Variants in HIVEP2 observed in about 807,000 individuals in gnomAD.
HIVEP2 encodes the protein transcription factor HIVEP2.
In HIVEP2, 14 loss-of-function variants were observed where a neutral mutation model predicts 180.7. The ratio of observed to expected loss-of-function variants is 0.08; its 90% CI spans 0.05 to 0.12. The LOEUF (loss-of-function observed/expected upper bound fraction) is 0.12, where lower values mean the gene tolerates loss of function less well. Among genes scored for constraint, HIVEP2 ranks in the 10% least tolerant of loss-of-function variants. The pLI is 1.00. For synonymous variants in HIVEP2, 1,184 were observed against 1,136.4 expected (o/e 1.04, Z -0.84); for missense variants, 2,579 against 3,008.5 (o/e 0.86, Z 3.34).
At chr6:142,844,806 G>GA (rs373844462) in intron 1 of HIVEP2, among the ~76,000 whole-genome samples, 1 of 151,728 alleles carries the variant, frequency 6.6e-6, no homozygotes, top group African/African-American at 2.4e-5. Context: ...CTAGTGACAA[G>GA]AAAAAAAATA....
intron 2 of HIVEP2, among the ~76,000 whole-genome samples, chr6:142,791,032 C>T (rs1391488715): frequency 6.6e-6 from 1 of 152,184 alleles, no homozygotes; most frequent in Non-Finnish European, 1.5e-5. Flanking sequence ...CTATCTACTT[C>T]TAATAACTGA....
chr6:142,867,998 T>G (rs1199918719), intron 1 of HIVEP2, among the ~76,000 whole-genome samples: 1 of 152,210 alleles, frequency 6.6e-6, no homozygotes, highest in African/African-American at 2.4e-5. Flanking sequence ...ACTGTCATTT[T>G]ATACCTCTAA....
At chr6:142,923,983 T>A (rs532804025) in intron 1 of HIVEP2, among the ~76,000 whole-genome samples, 2 of 152,204 alleles carry the variant, frequency 1.3e-5, no homozygotes, top group African/African-American at 4.8e-5. Flanking sequence ...TGATTCAAAT[T>A]CAAGTGGGCC....
In HIVEP2 at chr6:142,773,432, T is replaced by C. The variant is rs776415212; in HGVS notation, c.1307A>G (p.Asn436Ser). ...ACTTGTGGTTGTAACACTGAGTGCATTTCTCGGACTAAGCCGACAGTATTT... is the reference window on the plus strand; with the variant it reads ...ACTTGTGGTTGTAACACTGAGTGCACTTCTCGGACTAAGCCGACAGTATTT... ...FGKYCRLSPR[N>S]ALSVTTTSQE... The change falls in exon 5 of 10, where the codon AAT becomes AGT. Residue 436 changes from asparagine (N) to serine (S), a missense_variant. Around this residue, in one of 11 missense-constraint regions of HIVEP2, gnomAD observed 524 missense variants for 563.6 expected, o/e 0.93. Transcript: ENST00000367603. The C allele has an allele frequency of 8.7e-6, 14 of 1,614,130 alleles. No homozygotes were observed. Among genetic ancestry groups the C allele is most frequent in the Non-Finnish European group, 1.2e-5 (14 of 1,180,054 alleles).
chr6:142,878,111 G>A (rs993745033), intron 1 of HIVEP2, among the ~76,000 whole-genome samples: 19 of 151,982 alleles, frequency 1.3e-4, no homozygotes, highest in African/African-American at 2.4e-4. Context: ...TGATATTCTC[G>A]GCAATTGTCA....
intron 1 of HIVEP2, among the ~76,000 whole-genome samples, chr6:142,849,523 T>A (rs1215919779): frequency 2.0e-5 from 3 of 151,838 alleles, no homozygotes; most frequent in South Asian, 2.1e-4. Context: ...ATTTATTTTT[T>A]TTTTTTTTTG....
intron 1 of HIVEP2, among the ~76,000 whole-genome samples, chr6:142,914,613 C>T (rs995250300): frequency 6.6e-6 from 1 of 152,160 alleles, no homozygotes; most frequent in Non-Finnish European, 1.5e-5. Flanking sequence ...AATGACTATT[C>T]AAAACCTGAT....
intron 1 of HIVEP2, among the ~76,000 whole-genome samples, chr6:142,885,151 T>TC (rs1349220565): frequency 6.6e-6 from 1 of 152,128 alleles, no homozygotes; most frequent in African/African-American, 2.4e-5. Context: ...CAGTGCCTTC[T>TC]CCAGTCAACC....
chr6:142,800,737 TA>T (rs1431260598), intron 2 of HIVEP2, among the ~76,000 whole-genome samples: 1 of 152,140 alleles, frequency 6.6e-6, no homozygotes, highest in Non-Finnish European at 1.5e-5. Context: ...AGAAGATATT[TA>T]GATCTATGAA....
At chr6:142,789,651 CA>C (rs1333062985) in intron 2 of HIVEP2, among the ~76,000 whole-genome samples, 1 of 152,192 alleles carries the variant, frequency 6.6e-6, no homozygotes, top group Non-Finnish European at 1.5e-5. Context: ...TTCTGGTCTA[CA>C]GCTTAGGTCT....
At chr6:142,870,883 A>G (rs535017999) in intron 1 of HIVEP2, among the ~76,000 whole-genome samples, 27 of 152,272 alleles carry the variant, frequency 1.8e-4, no homozygotes, top group African/African-American at 6.3e-4. Context: ...TGTTTCTAAA[A>G]CCAAATACCA....
chr6:142,832,993 T>A (rs1230130154), intron 2 of HIVEP2, among the ~76,000 whole-genome samples: 2 of 152,156 alleles, frequency 1.3e-5, no homozygotes. Context: ...TTTCTTTATG[T>A]CAGTCATAAT....
intron 1 of HIVEP2, among the ~76,000 whole-genome samples, chr6:142,908,270 A>G (rs934871691): frequency 2.6e-5 from 4 of 152,204 alleles, no homozygotes; most frequent in South Asian, 2.1e-4. Flanking sequence ...CACTTGTAAC[A>G]TATGTCCATC....
At position 142,761,556 on chromosome 6, in the gene HIVEP2, G is replaced by A. The variant is rs199750443; in HGVS notation, c.5528C>T (p.Thr1843Met). Residue 1843 changes from threonine to methionine, a missense_variant, in exon 8 of 10, where the codon ACG becomes ATG. This residue lies in a region of HIVEP2 where 21 missense variants were observed against 86.8 expected (regional missense o/e 0.24). Transcript: ENST00000367603. ...GTGTGCTTTAGATTTCATATGCTTC[G>A]TTAGGTTTCCTTGAAAATGTAGCAA... ...NFAFKTKGNL[T>M]KHMKSKAHMK... 8 of 1,589,440 alleles carry A rather than the reference G, an allele frequency of 5.0e-6. No homozygotes were observed. Among genetic ancestry groups the A allele is most frequent in the Admixed American group, 1.7e-5 (1 of 59,906 alleles).
Position 142,760,308 on chromosome 6 carries a change from G to C in HIVEP2, c.5980C>G (p.Gln1994Glu). 1 of 1,614,042 alleles carries C rather than the reference G, an allele frequency of 6.2e-7. No individual in the cohort carries two copies. Among genetic ancestry groups the C allele is most frequent in the Non-Finnish European group, 8.5e-7 (1 of 1,179,948 alleles). Residue 1994 changes from glutamine to glutamate, a missense_variant, in exon 9 of 10, where the codon CAG (glutamine) becomes GAG (glutamate). Around this residue, in one of 11 missense-constraint regions of HIVEP2, gnomAD observed 660 missense variants for 731.7 expected, o/e 0.90. Transcript: ENST00000367603. ...MTPSDSCEDT[Q>E]MTEYQRLFQS... ...AATAGCCTCTGGTATTCTGTCATCTGGGTATCTTCACATGAATCACTGGGT... is the reference window on the plus strand; with the variant it reads ...AATAGCCTCTGGTATTCTGTCATCTCGGTATCTTCACATGAATCACTGGGT...
chr6:142,812,466 A>G (rs902081659), intron 2 of HIVEP2, among the ~76,000 whole-genome samples: 4 of 152,218 alleles, frequency 2.6e-5, no homozygotes, highest in Non-Finnish European at 4.4e-5. Context: ...TTTAAAAAGC[A>G]AGACATAAAA....
chr6:142,917,081 A>G (rs905108445), intron 1 of HIVEP2, among the ~76,000 whole-genome samples: 4 of 152,230 alleles, frequency 2.6e-5, no homozygotes, highest in African/African-American at 9.6e-5. Flanking sequence ...TTATGCTGCC[A>G]TAAGCAATTA....
At chr6:142,867,978 A>C (rs1776182644) in intron 1 of HIVEP2, among the ~76,000 whole-genome samples, 1 of 152,192 alleles carries the variant, frequency 6.6e-6, no homozygotes, top group Non-Finnish European at 1.5e-5. Context: ...CATGACTTCA[A>C]GTCCTATATA....
chr6:142,785,458 T>C (rs1425617630), intron 2 of HIVEP2, among the ~76,000 whole-genome samples: 1 of 151,974 alleles, frequency 6.6e-6, no homozygotes, highest in Non-Finnish European at 1.5e-5. Context: ...TAACTTGCAG[T>C]AGTCAGTGAC....
Sources: gnomAD v4.1 joint callset for allele counts (sites outside exome capture counted in the v4.1 genomes callset) on GRCh38, gnomAD v4.1.1 for gene constraint, gnomAD v4.1.1 regional missense constraint, MANE v1.5 for transcripts, NCBI Gene and HGNC (gene_info 2026-07-23, HGNC 2026-07-21) for gene names.